The following DOCK8 variants were observed in gnomAD, a reference collection of about 807,000 sequenced individuals.
DOCK8 encodes dedicator of cytokinesis 8.
DOCK8 carries 141 observed loss-of-function variants against 245.6 expected under a neutral mutation model. That is an observed-to-expected ratio of 0.57 (90% CI 0.50 to 0.66). The LOEUF is 0.66. DOCK8 is among the 30% of genes least tolerant of loss of function. The probability of loss-of-function intolerance (pLI) is 0.00; values close to 1 mark genes in which losing one functional copy is unlikely to be tolerated. For synonymous variants in DOCK8, 1,168 were observed against 970.2 expected, an observed-to-expected ratio of 1.20 and a Z score of -3.79; for missense variants, 2,965 against 2,603.4, an observed-to-expected ratio of 1.14 and a Z score of -3.02.
At position 462,670 on chromosome 9, in the gene DOCK8, C is replaced by G. The variant is rs138358009; in HGVS notation, c.6069-847C>G. Among the ~76,000 whole-genome samples, 475 of 152,330 alleles carry G rather than the reference C, an allele frequency of 3.1e-3. 1 individual carries two copies. The highest frequency in any genetic ancestry group is 0.011 in the African/African-American group (438 of 41,570). On this transcript the variant is annotated intron_variant, in intron 46 of 47. Coordinates refer to ENST00000432829, the MANE Select transcript of DOCK8 (RefSeq NM_203447.4). ...TCACCAGCTCCTGTGATCATTCTAG[C>G]TTTGATTTTTCTCTTTCTTTCTGGC...
At chr9:301,100 A>G (rs2049525623) in intron 4 of DOCK8, among the ~76,000 whole-genome samples, 1 of 152,194 alleles carries the variant, frequency 6.6e-6, no homozygotes, top group Non-Finnish European at 1.5e-5. Flanking sequence ...TCAACAAAAT[A>G]CTACAAACCA....
intron 26 of DOCK8, among the ~76,000 whole-genome samples, chr9:401,773 G>A (rs1381063424): frequency 6.6e-6 from 1 of 152,162 alleles, no homozygotes; most frequent in African/African-American, 2.4e-5. Context: ...AAAAAGACAT[G>A]ACTTTTCTAA....
chr9:390,411 AG>A, intron 23 of DOCK8, 59 bp from the exon 24 acceptor site: 2 of 1,470,408 alleles, frequency 1.4e-6, no homozygotes, highest in South Asian at 2.3e-5. Context: ...AAAGAAAAAA[AG>A]TGTTGGTGAA....
At chr9:348,543 C>T (rs2052012153) in intron 14 of DOCK8, among the ~76,000 whole-genome samples, 1 of 152,156 alleles carries the variant, frequency 6.6e-6, no homozygotes, top group Non-Finnish European at 1.5e-5. Context: ...ATGAGGCACC[C>T]TGTTTCTACA....
At chr9:296,782 C>CA (rs943978874) in intron 4 of DOCK8, among the ~76,000 whole-genome samples, 3 of 152,142 alleles carry the variant, frequency 2.0e-5, no homozygotes, top group Non-Finnish European at 2.9e-5. Context: ...TATGTGGTAA[C>CA]AAAGAGCAAT....
intron 45 of DOCK8, among the ~76,000 whole-genome samples, chr9:451,194 C>G (rs1049145187): frequency 6.6e-6 from 1 of 151,856 alleles, no homozygotes; most frequent in Non-Finnish European, 1.5e-5. Context: ...CGCTTGTAGT[C>G]CCAGTACTTG....
At position 298,005 on chromosome 9, in the gene DOCK8, T is replaced by A. The variant is rs186918179; in HGVS notation, c.405-6576T>A. Among the ~76,000 whole-genome samples the A allele has an allele frequency of 1.0e-3, 157 of 152,252 alleles. 1 individual carries two copies. The highest frequency in any genetic ancestry group is 5.1e-4 in the African/African-American group (21 of 41,554). On this transcript the variant is annotated intron_variant, in intron 4 of 47. Transcript: ENST00000432829. Reference sequence around the variant, plus strand: ...TGACTGTGGGGTCCATGTGAAAAACTCCCACAAACACTCTAACAAAATGGA... The same window carrying A: ...TGACTGTGGGGTCCATGTGAAAAACACCCACAAACACTCTAACAAAATGGA...
At chr9:419,354 C>T (rs1262416759) in intron 30 of DOCK8, among the ~76,000 whole-genome samples, 1 of 152,166 alleles carries the variant, frequency 6.6e-6, no homozygotes, top group Admixed American at 6.5e-5. Flanking sequence ...ACCGATCTTA[C>T]TGTTGGAGAA....
intron 18 of DOCK8, among the ~76,000 whole-genome samples, chr9:374,788 C>G (rs1187413069): frequency 1.3e-5 from 2 of 151,766 alleles, no homozygotes; most frequent in Non-Finnish European, 2.9e-5. Flanking sequence ...TTTAATGTGG[C>G]CACTAGATGA....
Position 325,576 on chromosome 9 carries a change from C to T in DOCK8, c.828-95C>T, listed in dbSNP as rs2050728320. ...TTTCCAAATATTTCGGGAAACTGCTCATATTTTTAACCAGTTTATCTATCT... is the reference window on the plus strand; with the variant it reads ...TTTCCAAATATTTCGGGAAACTGCTTATATTTTTAACCAGTTTATCTATCT... On this transcript the variant is annotated intron_variant, in intron 7 of 47. Coordinates refer to ENST00000432829, the MANE Select transcript of DOCK8 (RefSeq NM_203447.4). 4.0e-6 allele frequency: 4 copies of T among 1,002,060 alleles called. No individual in the cohort carries two copies. In the South Asian group the frequency reaches 5.2e-5, roughly 13 times the overall value. The allele number at this position is 1,002,060 out of a possible 1,614,324, so 62.1% of individuals were successfully genotyped here.
intron 4 of DOCK8, among the ~76,000 whole-genome samples, chr9:290,952 A>G (rs1319697004): frequency 6.6e-6 from 1 of 152,236 alleles, no homozygotes; most frequent in Non-Finnish European, 1.5e-5. Flanking sequence ...AGCATTCATT[A>G]TTAAAAGTTA....
chr9:268,558 C>T (rs1476063224), intron 1 of DOCK8, among the ~76,000 whole-genome samples: 1 of 152,186 alleles, frequency 6.6e-6, no homozygotes, highest in Non-Finnish European at 1.5e-5. Flanking sequence ...CACTTTCTTT[C>T]CTGAACATTT....
chr9:390,459 GTTC>G lies in DOCK8; in HGVS notation c.2875-9_2875-7del. On this transcript the variant is annotated splice_polypyrimidine_tract_variant and intron_variant, in intron 23 of 47. Coordinates refer to ENST00000432829, the MANE Select transcript of DOCK8 (RefSeq NM_203447.4). ...TTTGTTTCACAGCCTAATTTTTGTG[GTTC>G]TTATTTAGCATTTCCATGAGGAGCT... The G allele has an allele frequency of 2.5e-6, 4 of 1,613,128 alleles. No homozygotes were observed. The highest frequency in any genetic ancestry group is 3.4e-6 in the Non-Finnish European group (4 of 1,179,038).
Position 400,988 on chromosome 9 carries a change from T to TTCACCATCACCATCA in DOCK8, c.3234+1729_3234+1730insTCACCATCACCATCA, listed in dbSNP as rs1564017131. On this transcript the variant is annotated intron_variant, in intron 26 of 47. Transcript: ENST00000432829. ...CACCTCCTCCACCATCACCACCTCCTCCACCACCACCACCATTAGCTCCAC... is the reference window on the plus strand; with the variant it reads ...CACCTCCTCCACCATCACCACCTCCTTCACCATCACCATCACCACCACCACCACCATTAGCTCCAC... 1.0e-4 allele frequency among the ~76,000 whole-genome samples: 10 copies of TTCACCATCACCATCA among 96,426 alleles called. 1 individual carries two copies. The highest frequency in any genetic ancestry group is 4.6e-4 in the South Asian group (1 of 2,180). The allele number at this position is 96,426 out of a possible 152,430, so 63.3% of individuals were successfully genotyped here. A position where few individuals can be genotyped will look rare whatever the true frequency, so the allele number is the denominator to read the frequency against.
chr9:417,399 G>T (rs935889970), intron 29 of DOCK8, among the ~76,000 whole-genome samples: 4 of 152,228 alleles, frequency 2.6e-5, no homozygotes, highest in African/African-American at 9.6e-5. Context: ...TGGCTGTAAT[G>T]TCAACAGGTC....
In DOCK8 at chr9:332,493, G is replaced by A. The variant is rs575449932; in HGVS notation, c.1125+15G>A. On this transcript the variant is annotated intron_variant, in intron 10 of 47. Transcript: ENST00000432829. ...ATGGTGGAAAGGTATGGTAATTTGA[G>A]TGTTGTTAAATGGAGACATCTTAGA... The A allele has an allele frequency of 6.8e-5, 108 of 1,586,598 alleles. 2 individuals carry two copies. In the South Asian group the frequency reaches 1.1e-3, roughly 16 times the overall value.
intron 10 of DOCK8, 24 bp from the exon 11 acceptor site, chr9:334,201 T>C: frequency 6.2e-7 from 1 of 1,614,076 alleles, no homozygotes; most frequent in Non-Finnish European, 8.5e-7. Flanking sequence ...TTGTTTCAGC[T>C]TGTTTCTTTC....
intron 14 of DOCK8, among the ~76,000 whole-genome samples, chr9:356,299 C>T (rs573082788): frequency 2.8e-4 from 42 of 152,120 alleles, no homozygotes; most frequent in African/African-American, 8.4e-4. Flanking sequence ...GAGACCGAGG[C>T]GGGCGGATCA....
chr9:456,943 G>T (rs935029669), intron 46 of DOCK8: 5 of 152,194 alleles, frequency 3.3e-5, no homozygotes, highest in African/African-American at 1.2e-4. Flanking sequence ...GCCTTTAAGA[G>T]AAGTAGTTTC....
Sources: gnomAD v4.1 joint callset for allele counts (sites outside exome capture counted in the v4.1 genomes callset) on GRCh38, gnomAD v4.1.1 for gene constraint, MANE v1.5 for transcripts, NCBI Gene and HGNC (gene_info 2026-07-23, HGNC 2026-07-21) for gene names.